Variants in SMOC2 observed in about 807,000 individuals in gnomAD.
The protein encoded by SMOC2 is SPARC-related modular calcium-binding protein 2.
SMOC2 carries 39 observed loss-of-function variants against 61.4 expected under a neutral mutation model. The observed-to-expected ratio is 0.64, with a 90% confidence interval of 0.49 to 0.83. SMOC2 has a LOEUF of 0.83. Ranked by LOEUF, SMOC2 falls within the 40% of genes least tolerant of loss-of-function variation. The probability of loss-of-function intolerance (pLI) is 0.00; values close to 1 mark genes in which losing one functional copy is unlikely to be tolerated. For missense variants in SMOC2, 556 were observed against 592.9 expected (o/e 0.94, Z 0.65); for synonymous variants, 247 against 239.9 (o/e 1.03, Z -0.27).
At chr6:168,530,643 C>A (rs1355950220) in intron 4 of SMOC2, among the ~76,000 whole-genome samples, 1 of 144,866 alleles carries the variant, frequency 6.9e-6, no homozygotes, top group Non-Finnish European at 1.5e-5. Flanking sequence ...TGCAACCCCC[C>A]CCCCCCCGCC....
intron 6 of SMOC2, among the ~76,000 whole-genome samples, chr6:168,548,253 C>T (rs1784050237): frequency 1.3e-5 from 2 of 152,080 alleles, no homozygotes; most frequent in Non-Finnish European, 2.9e-5. Flanking sequence ...GCAATTGACC[C>T]AAGTCCATCT....
chr6:168,659,523 T>A, intron 11 of SMOC2, among the ~76,000 whole-genome samples: 1 of 150,350 alleles, frequency 6.7e-6, no homozygotes. Flanking sequence ...GGTTGTAGGT[T>A]GGGTGAGGAT....
In SMOC2 at chr6:168,581,303, A is replaced by G. The variant is rs137952236; in HGVS notation, c.638-17515A>G. 7.2e-4 allele frequency among the ~76,000 whole-genome samples: 109 copies of G among 151,990 alleles called. 1 individual carries two copies. Among genetic ancestry groups the G allele is most frequent in the Middle Eastern group, 3.4e-3 (1 of 294 alleles). Reference sequence around the variant, plus strand: ...ACAACATGCGTAAAAATTAAGTAAAATCAATTCTAAAAAAAAAATGAAAAC... The same window carrying G: ...ACAACATGCGTAAAAATTAAGTAAAGTCAATTCTAAAAAAAAAATGAAAAC... On this transcript the variant is annotated intron_variant, in intron 7 of 12. Coordinates refer to ENST00000356284, the MANE Select transcript of SMOC2 (RefSeq NM_001166412.2).
In SMOC2 at chr6:168,509,812, T is replaced by C. The variant is rs901239690; in HGVS notation, c.85-103T>C. 5 of 1,199,140 alleles carry C rather than the reference T, an allele frequency of 4.2e-6. No homozygotes were observed. The Admixed American group carries it at 1.3e-4, about 30-fold the overall frequency. The allele number at this position is 1,199,140 out of a possible 1,614,324, so 74.3% of individuals were successfully genotyped here. ...AACCGGGTGGTGTTATCCCTCAAGCTTTCATTCCCTGACCGTGAAGTGGCC... is the reference window on the plus strand; with the variant it reads ...AACCGGGTGGTGTTATCCCTCAAGCCTTCATTCCCTGACCGTGAAGTGGCC... On this transcript the variant is annotated intron_variant, in intron 1 of 12. Coordinates refer to ENST00000356284, the MANE Select transcript of SMOC2 (RefSeq NM_001166412.2).
chr6:168,459,654 G>A (rs985290587), intron 1 of SMOC2, among the ~76,000 whole-genome samples: 2 of 138,242 alleles, frequency 1.4e-5, no homozygotes, highest in African/African-American at 5.4e-5. Context: ...GTGAGCTGGG[G>A]TGGGTGAGCA....
At chr6:168,624,353 T>C (rs1278101969) in intron 9 of SMOC2, among the ~76,000 whole-genome samples, 1 of 152,210 alleles carries the variant, frequency 6.6e-6, no homozygotes, top group Non-Finnish European at 1.5e-5. Flanking sequence ...CACGCACATA[T>C]GTAGACGAAG....
intron 1 of SMOC2, 150 bp downstream of exon 1, chr6:168,441,604 A>C (rs1420732545): frequency 8.5e-7 from 1 of 1,171,744 alleles, no homozygotes; most frequent in Admixed American, 4.3e-5. Flanking sequence ...CCTGCCGGCG[A>C]GGCTGGAGCA....
At chr6:168,618,335 G>A (rs1786150139) in intron 9 of SMOC2, among the ~76,000 whole-genome samples, 1 of 152,210 alleles carries the variant, frequency 6.6e-6, no homozygotes, top group African/African-American at 2.4e-5. Flanking sequence ...GAGTCAAGGA[G>A]AGGCAGGTAG....
intron 11 of SMOC2, among the ~76,000 whole-genome samples, chr6:168,660,770 A>C (rs901059946): frequency 4.6e-5 from 7 of 152,236 alleles, no homozygotes; most frequent in Non-Finnish European, 8.8e-5. Flanking sequence ...CCCGAGCCGC[A>C]GTGTGGGGCA....
intron 7 of SMOC2, among the ~76,000 whole-genome samples, chr6:168,595,728 G>A (rs552332139): frequency 3.3e-5 from 5 of 152,302 alleles, no homozygotes; most frequent in African/African-American, 1.2e-4. Flanking sequence ...AAACATACAC[G>A]AAGTTTCTTC....
chr6:168,581,944 C>T (rs1487087207), intron 7 of SMOC2, among the ~76,000 whole-genome samples: 1 of 152,202 alleles, frequency 6.6e-6, no homozygotes, highest in African/African-American at 2.4e-5. Flanking sequence ...CTCTGACCCC[C>T]CTTTCCAAGG....
chr6:168,506,665 C>A (rs1782876982), intron 1 of SMOC2, among the ~76,000 whole-genome samples: 1 of 152,124 alleles, frequency 6.6e-6, no homozygotes, highest in African/African-American at 2.4e-5. Context: ...CCCACCACTT[C>A]CTTACACCTG....
At chr6:168,477,518 G>C (rs183839193) in intron 1 of SMOC2, among the ~76,000 whole-genome samples, 7 of 152,316 alleles carry the variant, frequency 4.6e-5, no homozygotes, top group Admixed American at 6.5e-5. Context: ...GAATTGACAA[G>C]TACAGAGGAA....
Position 168,578,481 on chromosome 6 carries a change from C to T in SMOC2, c.638-20337C>T, listed in dbSNP as rs555566051. Among the ~76,000 whole-genome samples the T allele has an allele frequency of 1.1e-4, 16 of 152,310 alleles. 1 individual carries two copies. The South Asian group carries it at 3.3e-3, about 32-fold the overall frequency. ...TGCTGTCATTGAATTTGAGTTTGTT[C>T]ATCTCTGAATAATTTCAAGTCTAGC... On this transcript the variant is annotated intron_variant, in intron 7 of 12. Coordinates refer to ENST00000356284, the MANE Select transcript of SMOC2 (RefSeq NM_001166412.2).
At chr6:168,547,525 T>C (rs904475174) in intron 6 of SMOC2, among the ~76,000 whole-genome samples, 1 of 151,838 alleles carries the variant, frequency 6.6e-6, no homozygotes, top group African/African-American at 2.4e-5. Flanking sequence ...TAGTTAGTGA[T>C]GAAATGACAA....
intron 1 of SMOC2, among the ~76,000 whole-genome samples, chr6:168,484,923 C>G (rs1457418861): frequency 6.6e-6 from 1 of 151,994 alleles, no homozygotes; most frequent in African/African-American, 2.4e-5. Flanking sequence ...AAAGTAGAAT[C>G]TGGTGGCCAG....
At chr6:168,636,111 A>G (rs1397737516) in intron 9 of SMOC2, among the ~76,000 whole-genome samples, 1 of 152,176 alleles carries the variant, frequency 6.6e-6, no homozygotes, top group African/African-American at 2.4e-5. Context: ...AAGTGTCTGC[A>G]CTCAGAGCTG....
intron 1 of SMOC2, among the ~76,000 whole-genome samples, chr6:168,448,284 G>A (rs1781375300): frequency 6.6e-6 from 1 of 152,218 alleles, no homozygotes; most frequent in Admixed American, 6.5e-5. Context: ...GAGCAAAGCA[G>A]AAGGTGTGGA....
chr6:168,590,955 A>T (rs1332678948), intron 7 of SMOC2, among the ~76,000 whole-genome samples: 2 of 152,244 alleles, frequency 1.3e-5, no homozygotes, highest in African/African-American at 4.8e-5. Flanking sequence ...AATTAAAAAA[A>T]AGTTGTTACA....
Sources: gnomAD v4.1 joint callset for allele counts (sites outside exome capture counted in the v4.1 genomes callset) on GRCh38, gnomAD v4.1.1 for gene constraint, MANE v1.5 for transcripts, NCBI Gene and HGNC (gene_info 2026-07-23, HGNC 2026-07-21) for gene names.